The following NRXN3 variants were observed in gnomAD, a reference collection of about 807,000 sequenced individuals.
NRXN3 encodes neurexin III.
A neutral mutation model predicts 137.6 loss-of-function variants in NRXN3; 32 were observed. That is an observed-to-expected ratio of 0.23 (90% confidence interval 0.18 to 0.31). NRXN3 has a LOEUF of 0.31. NRXN3 is among the 10% of genes least tolerant of loss of function. The pLI is 1.00. For synonymous variants in NRXN3, 798 were observed against 784.5 expected, an observed-to-expected ratio of 1.02 and a Z score of -0.29; for missense variants, 1,574 against 2,062.5, an observed-to-expected ratio of 0.76 and a Z score of 4.59.
intron 8 of NRXN3, among the ~76,000 whole-genome samples, chr14:78,737,837 G>A (rs1271262064): frequency 1.3e-5 from 2 of 152,124 alleles, no homozygotes; most frequent in Non-Finnish European, 2.9e-5. Context: ...GGATGGCTTC[G>A]CTTTTGGCAG....
At chr14:79,000,412 G>A (rs1204113378) in intron 15 of NRXN3, among the ~76,000 whole-genome samples, 1 of 152,098 alleles carries the variant, frequency 6.6e-6, no homozygotes, top group Non-Finnish European at 1.5e-5. Context: ...TTGTATTTCT[G>A]TAATTTCTGT....
chr14:78,751,354 T>G (rs2098640975), intron 8 of NRXN3, among the ~76,000 whole-genome samples: 2 of 152,180 alleles, frequency 1.3e-5, no homozygotes, highest in Non-Finnish European at 2.9e-5. Context: ...GCTAATTAAT[T>G]ACAAATTGCC....
At chr14:78,476,767 G>C (rs75561952) in intron 4 of NRXN3, among the ~76,000 whole-genome samples, 17,983 of 152,096 alleles carry the variant, frequency 0.12, 1,130 homozygotes, top group East Asian at 0.2. Flanking sequence ...TTTTATGTTA[G>C]TATAATTAAC....
chr14:78,397,995 A>T (rs376095223), intron 4 of NRXN3, among the ~76,000 whole-genome samples: 1 of 149,728 alleles, frequency 6.7e-6, no homozygotes, highest in South Asian at 2.2e-4. Context: ...TGGGCAGATC[A>T]CCTGAGGTCA....
At chr14:78,775,731 G>C (rs1196308625) in intron 8 of NRXN3, among the ~76,000 whole-genome samples, 1 of 152,042 alleles carries the variant, frequency 6.6e-6, no homozygotes, top group African/African-American at 2.4e-5. Context: ...CCTTTCTTTA[G>C]GTATTTCTCA....
At chr14:79,428,076 A>T (rs1041931807) in intron 15 of NRXN3, among the ~76,000 whole-genome samples, 4 of 152,070 alleles carry the variant, frequency 2.6e-5, no homozygotes, top group Non-Finnish European at 4.4e-5. Context: ...AAGTCTTATG[A>T]TACTGGGAGT....
At chr14:78,273,271 A>AAGCTTTCTGTGCCTCAGTTTCCTT (rs1205187062) in intron 2 of NRXN3, among the ~76,000 whole-genome samples, 1 of 152,212 alleles carries the variant, frequency 6.6e-6, no homozygotes. Context: ...CCAGTTACCT[A>AAGCTTTCTGTGCCTCAGTTTCCTT]AGCTTTCTGT....
chr14:78,692,932 T>C (rs954018545), intron 6 of NRXN3, among the ~76,000 whole-genome samples: 1 of 151,618 alleles, frequency 6.6e-6, no homozygotes, highest in African/African-American at 2.4e-5. Context: ...AATACAAATA[T>C]TAGCTGAGTG....
At chr14:78,489,779 C>CG (rs1567736426) in intron 4 of NRXN3, among the ~76,000 whole-genome samples, 1 of 151,718 alleles carries the variant, frequency 6.6e-6, no homozygotes. Context: ...AGAATTTGGG[C>CG]GGGGTGGGAG....
chr14:79,306,830 G>A (rs2086157442), intron 15 of NRXN3, among the ~76,000 whole-genome samples: 1 of 152,110 alleles, frequency 6.6e-6, no homozygotes, highest in Admixed American at 6.6e-5. Context: ...TCTTTGGGAA[G>A]AGCCAGGCCT....
intron 6 of NRXN3, among the ~76,000 whole-genome samples, chr14:78,688,877 T>G (rs1313701440): frequency 6.6e-6 from 1 of 151,824 alleles, no homozygotes; most frequent in African/African-American, 2.4e-5. Flanking sequence ...GCGCTCACAT[T>G]AATAAAATCA....
At chr14:79,154,286 T>C (rs1381982213) in intron 15 of NRXN3, among the ~76,000 whole-genome samples, 1 of 151,800 alleles carries the variant, frequency 6.6e-6, no homozygotes, top group Non-Finnish European at 1.5e-5. Flanking sequence ...TTTTAAACAC[T>C]TGGAGGGCAG....
chr14:79,752,435 T>G (rs964471883), intron 19 of NRXN3, among the ~76,000 whole-genome samples: 1 of 152,150 alleles, frequency 6.6e-6, no homozygotes, highest in African/African-American at 2.4e-5. Flanking sequence ...CTATCTGATC[T>G]TTGACAAACC....
At chr14:78,344,556 G>A (rs1167534737) in intron 4 of NRXN3, among the ~76,000 whole-genome samples, 3 of 152,162 alleles carry the variant, frequency 2.0e-5, no homozygotes, top group South Asian at 2.1e-4. Context: ...ACAGAAAGCC[G>A]GGCTACCACT....
At chr14:78,839,606 T>C (rs1289085316) in intron 10 of NRXN3, among the ~76,000 whole-genome samples, 2 of 152,164 alleles carry the variant, frequency 1.3e-5, no homozygotes, top group African/African-American at 4.8e-5. Context: ...CAGACTACTC[T>C]TCGAGTGAGA....
At chr14:78,918,894 T>C (rs1269807957) in intron 10 of NRXN3, among the ~76,000 whole-genome samples, 1 of 152,200 alleles carries the variant, frequency 6.6e-6, no homozygotes, top group African/African-American at 2.4e-5. Context: ...TGCTCTATAA[T>C]GTTCACACAA....
intron 4 of NRXN3, among the ~76,000 whole-genome samples, chr14:78,638,872 A>G (rs1472038019): frequency 6.6e-6 from 1 of 152,204 alleles, no homozygotes; most frequent in African/African-American, 2.4e-5. Flanking sequence ...AATGAGTAGA[A>G]CTGTGCAATC....
rs988887459 is a variant in NRXN3, at chr14:78,459,518, G to A, written c.757+161658G>A. On this transcript the variant is annotated intron_variant, in intron 4 of 20. Coordinates refer to ENST00000335750, the MANE Select transcript of NRXN3 (RefSeq NM_001330195.2). The stretch of plus-strand genomic sequence containing the variant: ...TGACTGGGTCATCCCACAGGATTCT[G>A]CCCTTTCTCCCCAGCCCCTGTAGGA... Among the ~76,000 whole-genome samples the A allele has an allele frequency of 2.6e-5, 4 of 152,132 alleles. No individual in the cohort carries two copies. In the East Asian group the frequency reaches 7.7e-4, roughly 29 times the overall value.
At chr14:79,174,518 T>TACAC (rs1555815331) in intron 15 of NRXN3, among the ~76,000 whole-genome samples, 5 of 148,442 alleles carry the variant, frequency 3.4e-5, no homozygotes, top group African/African-American at 1.2e-4. Flanking sequence ...TATATATATA[T>TACAC]ACACACACAT....
Sources: gnomAD v4.1 joint callset for allele counts (sites outside exome capture counted in the v4.1 genomes callset) on GRCh38, gnomAD v4.1.1 for gene constraint, MANE v1.5 for transcripts, NCBI Gene and HGNC (gene_info 2026-07-23, HGNC 2026-07-21) for gene names.